HOMEZ: variants seen among roughly 807,000 people sequenced by gnomAD.
The protein encoded by HOMEZ is homeobox and leucine zipper protein Homez.
Under a neutral mutation model 50.1 loss-of-function variants are expected in HOMEZ, and 20 were observed. The ratio of observed to expected loss-of-function variants is 0.40; its 90% CI spans 0.28 to 0.58. The LOEUF (loss-of-function observed/expected upper bound fraction) is 0.58. Ranked by LOEUF, HOMEZ falls within the 20% of genes least tolerant of loss-of-function variation. The pLI is 0.46. For synonymous variants in HOMEZ, 239 were observed against 254.7 expected (o/e 0.94, Z 0.59); for missense variants, 579 against 680.5 (o/e 0.85, Z 1.66).
rs751901382 is a variant in HOMEZ, at chr14:23,275,937, G to C, written c.1291C>G (p.Gln431Glu). 1.9e-6 allele frequency: 3 copies of C among 1,609,598 alleles called. No homozygotes were observed. Among genetic ancestry groups the C allele is most frequent in the East Asian group, 4.5e-5 (2 of 44,864 alleles). ...DNAVPGAPSF[Q>E]DPAIPTPPPS... ...GGTGGTGTAGGAATTGCTGGGTCTT[G>C]GAAACTAGGGGCACCAGGTACTGCG... Residue 431 changes from glutamine to glutamate, a missense_variant, in exon 2 of 2, where the codon CAA becomes GAA. Physicochemically the swap from Gln to Glu is conservative, Grantham distance 29. Transcript: ENST00000357460.
intron 1 of HOMEZ, among the ~76,000 whole-genome samples, chr14:23,284,026 T>C (rs772994505): frequency 2.6e-4 from 39 of 152,234 alleles, no homozygotes; most frequent in Non-Finnish European, 1.5e-5. Flanking sequence ...TAAAGACTTA[T>C]AGTGATATTC....
Position 23,276,759 on chromosome 14 carries a change from C to T in HOMEZ, c.469G>A (p.Val157Met), listed in dbSNP as rs1886372154. Residue 157 changes from valine to methionine, a missense_variant, in exon 2 of 2, where the codon GTG becomes ATG. Physicochemically the swap from Val to Met is conservative, Grantham distance 21 (BLOSUM62 1). Coordinates refer to ENST00000357460, the MANE Select transcript of HOMEZ (RefSeq NM_020834.3). The surrounding 1 kb of genome is among the most constrained non-coding windows in gnomAD (Gnocchi z 4.1). ...RPPEEVPPPPVPAPEQVGIGI... is the reference protein window; with the variant it reads ...RPPEEVPPPPMPAPEQVGIGI... Reference sequence around the variant, plus strand: ...ATACCAACTTGCTCTGGAGCTGGCACTGGAGGAGGAGGCACCTCCTCTGGG... The same window carrying T: ...ATACCAACTTGCTCTGGAGCTGGCATTGGAGGAGGAGGCACCTCCTCTGGG... 1.2e-6 allele frequency: 2 copies of T among 1,614,048 alleles called. No homozygotes were observed. The highest frequency in any genetic ancestry group is 1.7e-6 in the Non-Finnish European group (2 of 1,179,886).
At chr14:23,282,300 C>T (rs1886573370) in intron 1 of HOMEZ, among the ~76,000 whole-genome samples, 1 of 152,020 alleles carries the variant, frequency 6.6e-6, no homozygotes, top group African/African-American at 2.4e-5. Context: ...GGTTTAAATA[C>T]AATTTCAGAA....
chr14:23,280,867 G>A (rs1594965539), intron 1 of HOMEZ, among the ~76,000 whole-genome samples: 1 of 150,258 alleles, frequency 6.7e-6, no homozygotes, highest in Non-Finnish European at 1.5e-5. Flanking sequence ...TCCGCCTCCT[G>A]GGTTCAAGTG....
In HOMEZ at chr14:23,286,061, G is replaced by GCCC; in HGVS notation, c.-112_-110dup. 8.2e-7 allele frequency: 1 copy of GCCC among 1,224,196 alleles called. No homozygotes were observed. Among genetic ancestry groups the GCCC allele is most frequent in the East Asian group, 3.2e-5 (1 of 31,396 alleles). The allele number at this position is 1,224,196 out of a possible 1,614,324, so 75.8% of individuals were successfully genotyped here. A position where few individuals can be genotyped will look rare whatever the true frequency, so the allele number is the denominator to read the frequency against. Reference sequence around the variant, plus strand: ...CCCAGCGATGGCCGAAACCGGGACTGCCCCCCCCACCGTCCCCGGGAGCGC... The same window carrying GCCC: ...CCCAGCGATGGCCGAAACCGGGACTGCCCCCCCCCCCACCGTCCCCGGGAGCGC... On this transcript the variant is annotated 5_prime_UTR_variant, in exon 1 of 2. Transcript: ENST00000357460.
rs559865900 is a variant in HOMEZ, at chr14:23,274,321, C to G, written c.*1254G>C. The G allele has an allele frequency of 6.6e-6, 1 of 152,662 alleles. No homozygotes were observed. The highest frequency in any genetic ancestry group is 2.1e-4 in the South Asian group (1 of 4,832). The allele number at this position is 152,662 out of a possible 1,614,324, so 9.5% of individuals were successfully genotyped here. On this transcript the variant is annotated 3_prime_UTR_variant, in exon 2 of 2. Transcript: ENST00000357460. ...AAAAATTAGTCTCTGTCAAGCTGGA[C>G]AGGAGGTAGTTAACAGGTTTGTAAA...
Position 23,274,296 on chromosome 14 carries a change from A to C in HOMEZ, c.*1279T>G, listed in dbSNP as rs1886284620. 1 of 152,596 alleles carries C rather than the reference A, an allele frequency of 6.6e-6. No homozygotes were observed. The highest frequency in any genetic ancestry group is 6.5e-5 in the Admixed American group (1 of 15,286). 9.5% of individuals were successfully genotyped at this position (152,596 alleles called of 1,614,324 possible). On this transcript the variant is annotated 3_prime_UTR_variant, in exon 2 of 2. Transcript: ENST00000357460. ...GAAACAAATTGACAGCAAAAAGATG[A>C]AAAATTAGTCTCTGTCAAGCTGGAC...
Position 23,280,704 on chromosome 14 carries a change from TTTTTATTTTTA to T in HOMEZ, c.41-3528_41-3518del, listed in dbSNP as rs1308715199. On this transcript the variant is annotated intron_variant, in intron 1 of 1. Transcript: ENST00000357460. Reference sequence around the variant, plus strand: ...GTTATATTTTATTTTTATTTTTATATTTTTATTTTTATTTTATTTTATTTTATTTTATTTTA... The same window carrying T: ...GTTATATTTTATTTTTATTTTTATATTTTTATTTTATTTTATTTTATTTTA... Among the ~76,000 whole-genome samples, 31 of 86,514 alleles carry T rather than the reference TTTTTATTTTTA, an allele frequency of 3.6e-4. 1 individual carries two copies. The highest frequency in any genetic ancestry group is 1.1e-3 in the African/African-American group (30 of 27,276). The allele number at this position is 86,514 out of a possible 152,430, so 56.8% of individuals were successfully genotyped here.
rs1204435412 is a variant in HOMEZ at position 23,272,795 on chromosome 14, A to C, written c.*2780T>G. On this transcript the variant is annotated 3_prime_UTR_variant, in exon 2 of 2. Transcript: ENST00000357460. The stretch of plus-strand genomic sequence containing the variant: ...GCCCTTTTTGCTGTTATAAACACCC[A>C]CATCTACCTTCTTGTCCTCTGCTGC... 1.3e-6 allele frequency: 2 copies of C among 1,491,724 alleles called. No individual in the cohort carries two copies. Among genetic ancestry groups the C allele is most frequent in the Admixed American group, 3.9e-5 (2 of 50,932 alleles). 92.4% of individuals were successfully genotyped at this position (1,491,724 alleles called of 1,614,324 possible). A position where few individuals can be genotyped will look rare whatever the true frequency, so the allele number is the denominator to read the frequency against.
chr14:23,280,755 T>C (rs1274448412), intron 1 of HOMEZ, among the ~76,000 whole-genome samples: 4 of 85,154 alleles, frequency 4.7e-5, no homozygotes, highest in Admixed American at 4.1e-4. Context: ...TTTATTTTAT[T>C]TTATTTTATT....
In HOMEZ at chr14:23,276,092, T is replaced by C. The variant is rs912216521; in HGVS notation, c.1136A>G (p.Gln379Arg). ...AILKSFFLQC[Q>R]WARREDYQKL... ...TTGGTAATCCTCACGCCGTGCCCACTGGCACTGTAAAAAAAAGGATTTAAG... is the reference window on the plus strand; with the variant it reads ...TTGGTAATCCTCACGCCGTGCCCACCGGCACTGTAAAAAAAAGGATTTAAG... The change falls in exon 2 of 2, where the codon CAG (glutamine) becomes CGG (arginine). Residue 379 changes from glutamine to arginine, a missense_variant. Gln to Arg is a conservative substitution (Grantham distance 43). Transcript: ENST00000357460. The surrounding 1 kb of genome is among the most constrained non-coding windows in gnomAD (Gnocchi z 4.1). 1.2e-6 allele frequency: 2 copies of C among 1,614,074 alleles called. No individual in the cohort carries two copies.
chr14:23,285,841 G>T, intron 1 of HOMEZ, 72 bp downstream of exon 1: 1 of 859,696 alleles, frequency 1.2e-6, no homozygotes. Flanking sequence ...ACCAGCGCGG[G>T]GATGGGGCTC....
At position 23,275,422 on chromosome 14, in the gene HOMEZ, C is replaced by G; in HGVS notation, c.*153G>C. On this transcript the variant is annotated 3_prime_UTR_variant, in exon 2 of 2. Coordinates refer to ENST00000357460, the MANE Select transcript of HOMEZ (RefSeq NM_020834.3). ...CCTATGGTCATTCTCCCTGGTCCAC[C>G]CTCACTATATCCCCCTGCCACCCAC... is the stretch of plus-strand genomic sequence containing the variant. 1.1e-6 allele frequency: 1 copy of G among 933,784 alleles called. No homozygotes were observed. Among genetic ancestry groups the G allele is most frequent in the Non-Finnish European group, 1.6e-6 (1 of 635,950 alleles). 57.8% of individuals were successfully genotyped at this position (933,784 alleles called of 1,614,324 possible).
At chr14:23,283,138 G>A (rs950486672) in intron 1 of HOMEZ, among the ~76,000 whole-genome samples, 8 of 152,220 alleles carry the variant, frequency 5.3e-5, no homozygotes, top group African/African-American at 1.9e-4. Context: ...GCGCAGAGGA[G>A]GTAGTGGTGG....
chr14:23,280,997 CTGACCT>C, intron 1 of HOMEZ, among the ~76,000 whole-genome samples: 1 of 151,546 alleles, frequency 6.6e-6, no homozygotes, highest in Non-Finnish European at 1.5e-5. Flanking sequence ...TCTTGATCTC[CTGACCT>C]CGTCATCTGC....
At chr14:23,280,718 T>TTA (rs1491476314) in intron 1 of HOMEZ, among the ~76,000 whole-genome samples, 1 of 65,226 alleles carries the variant, frequency 1.5e-5, no homozygotes, top group South Asian at 5.7e-4. Flanking sequence ...TATTTTTATT[T>TTA]TATTTTATTT....
chr14:23,277,595 A>G (rs966750605), intron 1 of HOMEZ, among the ~76,000 whole-genome samples: 2 of 152,024 alleles, frequency 1.3e-5, no homozygotes, highest in Admixed American at 6.5e-5. Context: ...AAAATTTAAA[A>G]ATCAGCTGGG....
chr14:23,276,516 T>C lies in HOMEZ; in HGVS notation c.712A>G (p.Asn238Asp), dbSNP rs1262506334. 1.2e-6 allele frequency: 2 copies of C among 1,614,022 alleles called. No individual in the cohort carries two copies. Among genetic ancestry groups the C allele is most frequent in the Middle Eastern group, 3.3e-4 (2 of 6,062 alleles). The change falls in exon 2 of 2, where the codon AAC becomes GAC. Residue 238 changes from asparagine to aspartate, a missense_variant. Physicochemically the swap from Asn to Asp is conservative, Grantham distance 23 (BLOSUM62 1). Coordinates refer to ENST00000357460, the MANE Select transcript of HOMEZ (RefSeq NM_020834.3). The surrounding 1 kb of genome is among the most constrained non-coding windows in gnomAD (Gnocchi z 4.1). ...LSKEQAGRGP[N>D]QSHGIGTASW... is the part of the protein sequence containing the mutation. ...GCAGTACCTATGCCATGTGACTGGTTGGGACCCCTGCCTGCCTGCTCCTTT... is the reference window on the plus strand; with the variant it reads ...GCAGTACCTATGCCATGTGACTGGTCGGGACCCCTGCCTGCCTGCTCCTTT...
At chr14:23,279,425 C>G (rs969171190) in intron 1 of HOMEZ, among the ~76,000 whole-genome samples, 1 of 152,038 alleles carries the variant, frequency 6.6e-6, no homozygotes, top group Non-Finnish European at 1.5e-5. Context: ...TAAACTAATT[C>G]CGATTGGCTA....
Sources: gnomAD v4.1 joint callset for allele counts (sites outside exome capture counted in the v4.1 genomes callset) on GRCh38, gnomAD v4.1.1 for gene constraint, Gnocchi (gnomAD v3.1) non-coding constraint, MANE v1.5 for transcripts, NCBI Gene and HGNC (gene_info 2026-07-23, HGNC 2026-07-21) for gene names.